DGLUCY: variants seen among roughly 807,000 people sequenced by gnomAD.
DGLUCY encodes the protein D-glutamate cyclase.
In DGLUCY, 58 loss-of-function variants were observed where a neutral mutation model predicts 58.5. The ratio of observed to expected loss-of-function variants is 0.99; its 90% CI spans 0.80 to 1.23. DGLUCY has a LOEUF of 1.23. Ranked by LOEUF, DGLUCY falls within the 50% of genes most tolerant of loss-of-function variation. The pLI is 0.00. For synonymous variants in DGLUCY, 325 were observed against 314.1 expected (o/e 1.03, Z -0.37); for missense variants, 779 against 784.7 (o/e 0.99, Z 0.09).
At chr14:91,117,898 T>C (rs1249741250) in intron 1 of DGLUCY, among the ~76,000 whole-genome samples, 2 of 152,146 alleles carry the variant, frequency 1.3e-5, no homozygotes, top group Non-Finnish European at 2.9e-5. Flanking sequence ...GATTCAAAGA[T>C]TTCCCAATTG....
intron 5 of DGLUCY, among the ~76,000 whole-genome samples, chr14:91,172,214 G>T (rs562173885): frequency 1.8e-4 from 28 of 152,072 alleles, no homozygotes; most frequent in Non-Finnish European, 3.5e-4. Flanking sequence ...GGGACCATAG[G>T]CATGTGCCAG....
intron 1 of DGLUCY, among the ~76,000 whole-genome samples, chr14:91,064,420 C>G (rs2043784951): frequency 6.6e-6 from 1 of 151,852 alleles, no homozygotes; most frequent in Non-Finnish European, 1.5e-5. Flanking sequence ...CGCTTGAATT[C>G]AAGACCAGCC....
chr14:91,120,538 A>C (rs748304270), intron 1 of DGLUCY, among the ~76,000 whole-genome samples: 9 of 151,998 alleles, frequency 5.9e-5, no homozygotes, highest in Non-Finnish European at 1.2e-4. Context: ...CAGCCTCCTG[A>C]GTAGCAGGGA....
At chr14:91,142,882 C>G (rs1000737967) in intron 1 of DGLUCY, among the ~76,000 whole-genome samples, 2 of 144,132 alleles carry the variant, frequency 1.4e-5, no homozygotes, top group Non-Finnish European at 3.1e-5. Flanking sequence ...CACACACACA[C>G]TAGCCGGCGT....
chr14:91,087,195 A>G (rs1298308797), intron 1 of DGLUCY, among the ~76,000 whole-genome samples: 1 of 152,200 alleles, frequency 6.6e-6, no homozygotes, highest in Admixed American at 6.5e-5. Flanking sequence ...CCAATATCTT[A>G]TTCATCTTCT....
intron 1 of DGLUCY, among the ~76,000 whole-genome samples, chr14:91,151,443 A>G (rs1001631289): frequency 2.0e-5 from 3 of 151,878 alleles, no homozygotes; most frequent in East Asian, 3.9e-4. Flanking sequence ...GGGTTTCACC[A>G]TGCTAGCCAG....
At chr14:91,176,389 C>G (rs894307891) in intron 7 of DGLUCY, among the ~76,000 whole-genome samples, 1 of 152,030 alleles carries the variant, frequency 6.6e-6, no homozygotes, top group Non-Finnish European at 1.5e-5. Flanking sequence ...CCATGCCCAG[C>G]TAATTTTTGT....
intron 12 of DGLUCY, among the ~76,000 whole-genome samples, chr14:91,214,483 C>G (rs536246391): frequency 6.6e-6 from 1 of 152,234 alleles, no homozygotes; most frequent in Non-Finnish European, 1.5e-5. Flanking sequence ...TGCGATCCAG[C>G]GCGACGGGGC....
intron 1 of DGLUCY, among the ~76,000 whole-genome samples, chr14:91,123,962 C>G (rs1295572442): frequency 6.9e-6 from 1 of 145,436 alleles, no homozygotes; most frequent in Non-Finnish European, 1.5e-5. Flanking sequence ...GAGTCTCACT[C>G]TGTCACCCAG....
chr14:91,212,037 G>C (rs11622248), intron 12 of DGLUCY, among the ~76,000 whole-genome samples: 16 of 152,068 alleles, frequency 1.1e-4, no homozygotes, highest in Non-Finnish European at 1.5e-5. Context: ...TCCTGACCTC[G>C]AGTGATCCAC....
intron 8 of DGLUCY, among the ~76,000 whole-genome samples, chr14:91,186,521 C>T (rs563343043): frequency 6.6e-6 from 1 of 152,150 alleles, no homozygotes; most frequent in Non-Finnish European, 1.5e-5. Context: ...GCCTCAGCCT[C>T]CCAAAGTGCT....
intron 1 of DGLUCY, among the ~76,000 whole-genome samples, chr14:91,136,035 C>T (rs968703055): frequency 8.5e-4 from 127 of 149,174 alleles, no homozygotes; most frequent in Non-Finnish European, 1.4e-3. Context: ...CCCAGGTTCA[C>T]GCCATTCTCC....
intron 7 of DGLUCY, among the ~76,000 whole-genome samples, chr14:91,180,110 G>A (rs1175731695): frequency 1.3e-5 from 2 of 150,840 alleles, no homozygotes; most frequent in Non-Finnish European, 3.0e-5. Flanking sequence ...GGCTGGTCTT[G>A]AACTCCTGAC....
At chr14:91,141,709 A>G (rs903567484) in intron 1 of DGLUCY, among the ~76,000 whole-genome samples, 2 of 151,144 alleles carry the variant, frequency 1.3e-5, no homozygotes, top group Non-Finnish European at 2.9e-5. Flanking sequence ...GCACCACTGC[A>G]CCCAGCTAAC....
chr14:91,142,801 T>TA (rs772723692), intron 1 of DGLUCY, among the ~76,000 whole-genome samples: 1 of 56,384 alleles, frequency 1.8e-5, no homozygotes, highest in Non-Finnish European at 3.9e-5. Flanking sequence ...CCATCTCTAC[T>TA]AAACACACAC....
chr14:91,127,767 A>C (rs1340776324), intron 1 of DGLUCY, among the ~76,000 whole-genome samples: 1 of 152,250 alleles, frequency 6.6e-6, no homozygotes, highest in African/African-American at 2.4e-5. Context: ...TTCTCAGCTC[A>C]GCTGAATTAC....
intron 1 of DGLUCY, among the ~76,000 whole-genome samples, chr14:91,116,798 G>C (rs2044980835): frequency 6.6e-6 from 1 of 152,104 alleles, no homozygotes; most frequent in Admixed American, 6.5e-5. Context: ...ACAAAAATTA[G>C]CTGGGTGTGG....
intron 1 of DGLUCY, among the ~76,000 whole-genome samples, chr14:91,077,671 GA>G (rs1231604788): frequency 6.6e-6 from 1 of 151,718 alleles, no homozygotes; most frequent in Non-Finnish European, 1.5e-5. Context: ...CGAATCGCTT[GA>G]ACCCGGGAGG....
intron 9 of DGLUCY, among the ~76,000 whole-genome samples, chr14:91,190,963 G>A (rs560882968): frequency 1.3e-5 from 2 of 152,254 alleles, no homozygotes; most frequent in African/African-American, 4.8e-5. Context: ...GTGCCTCATG[G>A]CACATCCCTT....
Sources: allele counts gnomAD v4.1 joint callset (sites outside exome capture counted in the v4.1 genomes callset), GRCh38; gene constraint gnomAD v4.1.1; transcripts MANE v1.5; gene names NCBI Gene and HGNC (gene_info 2026-07-23, HGNC 2026-07-21).